The following BLNK variants were observed in gnomAD, a reference collection of about 807,000 sequenced individuals.
BLNK encodes B cell linker.
In BLNK, 29 loss-of-function variants were observed where a neutral mutation model predicts 73.5. The ratio of observed to expected loss-of-function variants is 0.39; its 90% CI spans 0.29 to 0.54. The LOEUF is 0.54. Among genes scored for constraint, BLNK ranks in the 20% least tolerant of loss-of-function variants. The pLI is 0.61. For missense variants in BLNK, 460 were observed against 562.8 expected (o/e 0.82, Z 1.85); for synonymous variants, 176 against 200.8 (o/e 0.88, Z 1.04).
At chr10:96,250,820 CAAT>C (rs1366820999) in intron 1 of BLNK, among the ~76,000 whole-genome samples, 3 of 152,144 alleles carry the variant, frequency 2.0e-5, no homozygotes, top group African/African-American at 4.8e-5. Context: ...ATTATTATAA[CAAT>C]AACAATTATA....
chr10:96,195,843 C>T (rs1349846402), intron 16 of BLNK, among the ~76,000 whole-genome samples: 2 of 152,212 alleles, frequency 1.3e-5, no homozygotes, highest in Non-Finnish European at 2.9e-5. Flanking sequence ...AAAGAATACA[C>T]ATGACTTTTT....
chr10:96,241,987 T>A (rs1291799872), intron 3 of BLNK, among the ~76,000 whole-genome samples: 5 of 152,228 alleles, frequency 3.3e-5, no homozygotes, highest in African/African-American at 1.2e-4. Flanking sequence ...CCCAAAATGC[T>A]AGGATTGCAG....
At chr10:96,261,713 T>G (rs1843763296) in intron 1 of BLNK, among the ~76,000 whole-genome samples, 1 of 152,170 alleles carries the variant, frequency 6.6e-6, no homozygotes, top group African/African-American at 2.4e-5. Context: ...TTCAATGATT[T>G]TATATTACAT....
chr10:96,231,904 G>A (rs1554904074), intron 3 of BLNK, among the ~76,000 whole-genome samples: 1 of 152,232 alleles, frequency 6.6e-6, no homozygotes, highest in Non-Finnish European at 1.5e-5. Flanking sequence ...CCTCGCTCCA[G>A]GGGCAGGAGG....
At position 96,227,496 on chromosome 10, in the gene BLNK, G is replaced by T. The variant is rs201576692; in HGVS notation, c.275C>A (p.Ala92Asp). The change falls in exon 5 of 17, where the codon GCT becomes GAT. Residue 92 changes from alanine to aspartate, a missense_variant. Ala to Asp is a moderately radical substitution (Grantham distance 126, BLOSUM62 -2). Around this residue, in one of 3 missense-constraint regions of BLNK, gnomAD observed 139 missense variants for 187.3 expected, o/e 0.74. Transcript: ENST00000224337. ...EMYVMPAEEN[A>D]DDSYEPPPVE... is the part of the protein sequence containing the mutation. ...TGGAGGCGGCTCGTAGCTGTCATCA[G>T]CGTTCTCCTCGGCGGGCATCACGTA... The T allele has an allele frequency of 6.1e-5, 99 of 1,614,216 alleles. 2 individuals are homozygous for T. The East Asian group carries it at 2.2e-3, about 35-fold the overall frequency.
chr10:96,225,965 G>T (rs1842241013), intron 5 of BLNK, among the ~76,000 whole-genome samples: 1 of 152,120 alleles, frequency 6.6e-6, no homozygotes, highest in Non-Finnish European at 1.5e-5. Context: ...TCTTGAGTGA[G>T]CCACTTAACC....
In BLNK at chr10:96,196,951, GC is replaced by G; in HGVS notation, c.1207del (p.Ala403GlnfsTer47). 1 of 1,613,382 alleles carries G rather than the reference GC, an allele frequency of 6.2e-7. No individual in the cohort carries two copies. Among genetic ancestry groups the G allele is most frequent in the Non-Finnish European group, 8.5e-7 (1 of 1,179,710 alleles). Reference protein sequence around the residue: ...VYNIPVRFIEATKQYALGRKK... With the variant: ...VYNIPVRFIEXTKQYALGRKK... ...TCTGCCCAAGGCATATTGTTTTGTT[GC>G]TTCAATAAATCGCACAGGAATATTA... On this transcript the variant is annotated frameshift_variant, in exon 16 of 17. Transcript: ENST00000224337. LOFTEE classifies it high-confidence loss of function.
Position 96,201,146 on chromosome 10 carries a change from G to A in BLNK, c.935-88C>T, listed in dbSNP as rs2083622101. On this transcript the variant is annotated intron_variant, in intron 13 of 16. Coordinates refer to ENST00000224337, the MANE Select transcript of BLNK (RefSeq NM_013314.4). ...ATCCCCTAACACTGTACTAGGTGCTGCCAGGGACACATCCACCAAAAAAAA... is the reference window on the plus strand; with the variant it reads ...ATCCCCTAACACTGTACTAGGTGCTACCAGGGACACATCCACCAAAAAAAA... The A allele has an allele frequency of 2.5e-6, 3 of 1,184,916 alleles. No individual in the cohort carries two copies. The East Asian group carries it at 7.1e-5, about 28-fold the overall frequency. The allele number at this position is 1,184,916 out of a possible 1,614,324, so 73.4% of individuals were successfully genotyped here. A position where few individuals can be genotyped will look rare whatever the true frequency, so the allele number is the denominator to read the frequency against.
intron 3 of BLNK, among the ~76,000 whole-genome samples, chr10:96,238,033 G>A (rs1209140248): frequency 6.6e-6 from 1 of 152,208 alleles, no homozygotes; most frequent in African/African-American, 2.4e-5. Context: ...CCAGCTGCTT[G>A]GGGCAATGCA....
Position 96,191,957 on chromosome 10 carries a change from TC to T in BLNK, c.*15del. On this transcript the variant is annotated 3_prime_UTR_variant, in exon 17 of 17. Transcript: ENST00000224337. ...AAAGTGTCTGAAGCAATGGTATTGA[TC>T]TTTTTTTTCCCCCTTTATGAAACTT... 1 of 1,613,536 alleles carries T rather than the reference TC, an allele frequency of 6.2e-7. No homozygotes were observed. Among genetic ancestry groups the T allele is most frequent in the Non-Finnish European group, 8.5e-7 (1 of 1,179,602 alleles).
chr10:96,251,869 C>A (rs1308425047), intron 1 of BLNK, among the ~76,000 whole-genome samples: 5 of 152,012 alleles, frequency 3.3e-5, no homozygotes, highest in Non-Finnish European at 7.4e-5. Flanking sequence ...CCAGGAAGCA[C>A]TGAGAGTAGA....
chr10:96,207,073 G>T lies in BLNK; in HGVS notation c.775-20C>A, dbSNP rs1242322225. ...TGGAGTCTATGTAAAAGAAAAAAAG[G>T]CAAGGTTATTCAATATAGCAGAATG... is the stretch of plus-strand genomic sequence containing the variant. On this transcript the variant is annotated intron_variant, in intron 10 of 16. Coordinates refer to ENST00000224337, the MANE Select transcript of BLNK (RefSeq NM_013314.4). 4 of 1,609,736 alleles carry T rather than the reference G, an allele frequency of 2.5e-6. No homozygotes were observed. The highest frequency in any genetic ancestry group is 4.5e-5 in the East Asian group (2 of 44,824).
chr10:96,197,185 T>C (rs1247158189), intron 15 of BLNK, 122 bp from the exon 16 acceptor site: 13 of 697,460 alleles, frequency 1.9e-5, no homozygotes, highest in Non-Finnish European at 3.0e-5. Context: ...TTTAGCTACA[T>C]TATTTTTATT....
chr10:96,266,186 G>A (rs1273534044), intron 1 of BLNK, among the ~76,000 whole-genome samples: 3 of 152,202 alleles, frequency 2.0e-5, no homozygotes, highest in Admixed American at 2.0e-4. Context: ...TAAATCACCT[G>A]TAGGGAGAAA....
rs1385000738 is a variant in BLNK at position 96,191,217 on chromosome 10, T to C, written c.*756A>G. Among the ~76,000 whole-genome samples the C allele has an allele frequency of 2.0e-5, 3 of 150,312 alleles. No homozygotes were observed. The highest frequency in any genetic ancestry group is 2.9e-5 in the Non-Finnish European group (2 of 67,812). On this transcript the variant is annotated 3_prime_UTR_variant, in exon 17 of 17. Coordinates refer to ENST00000224337, the MANE Select transcript of BLNK (RefSeq NM_013314.4). Reference sequence around the variant, plus strand: ...TGAGGCCTCCCCAACCATGTGGAACTGTGAGTCCATTAAACCTCTTTTTTT... The same window carrying C: ...TGAGGCCTCCCCAACCATGTGGAACCGTGAGTCCATTAAACCTCTTTTTTT...
intron 1 of BLNK, among the ~76,000 whole-genome samples, chr10:96,259,415 G>T (rs1229727171): frequency 6.6e-6 from 1 of 152,170 alleles, no homozygotes; most frequent in Non-Finnish European, 1.5e-5. Context: ...AGGCAGGAGG[G>T]AATGCGGTAG....
Position 96,190,339 on chromosome 10 carries a change from A to C in BLNK, c.*1634T>G. 1.8e-6 allele frequency: 1 copy of C among 548,568 alleles called. No individual in the cohort carries two copies. The highest frequency in any genetic ancestry group is 1.9e-5 in the South Asian group (1 of 51,640). 34.0% of individuals were successfully genotyped at this position (548,568 alleles called of 1,614,324 possible). On this transcript the variant is annotated 3_prime_UTR_variant, in exon 17 of 17. Coordinates refer to ENST00000224337, the MANE Select transcript of BLNK (RefSeq NM_013314.4). Reference sequence around the variant, plus strand: ...TAGTATTGTTCCTGTGTGTCTCTTCATATAGTCTTCTCTCTGTGCCTGCAT... The same window carrying C: ...TAGTATTGTTCCTGTGTGTCTCTTCCTATAGTCTTCTCTCTGTGCCTGCAT...
intron 8 of BLNK, among the ~76,000 whole-genome samples, chr10:96,211,449 A>G (rs1178190653): frequency 1.3e-5 from 2 of 152,172 alleles, no homozygotes; most frequent in African/African-American, 4.8e-5. Context: ...AAACACAGAC[A>G]AGAAAAAGAA....
intron 1 of BLNK, among the ~76,000 whole-genome samples, chr10:96,259,037 A>G (rs1554911939): frequency 6.6e-6 from 1 of 152,256 alleles, no homozygotes. Flanking sequence ...TAGAGCTGGA[A>G]TTCAAAATCA....
Sources: gnomAD v4.1 joint callset for allele counts (sites outside exome capture counted in the v4.1 genomes callset) on GRCh38, gnomAD v4.1.1 for gene constraint, gnomAD v4.1.1 regional missense constraint, MANE v1.5 for transcripts, NCBI Gene and HGNC (gene_info 2026-07-23, HGNC 2026-07-21) for gene names.